CEP89: variants seen among roughly 807,000 people sequenced by gnomAD.
CEP89 encodes the protein centrosomal protein 89.
CEP89 carries 95 observed loss-of-function variants against 97.6 expected under a neutral mutation model. The ratio of observed to expected loss-of-function variants is 0.97; its 90% confidence interval spans 0.82 to 1.15. CEP89 has a LOEUF of 1.15. Among genes scored for constraint, CEP89 ranks in the 50% most tolerant of loss-of-function variants. CEP89 has a pLI of 0.00. For synonymous variants in CEP89, 354 were observed against 349.1 expected (o/e 1.01, Z -0.16); for missense variants, 869 against 947.7 (o/e 0.92, Z 1.09).
Position 32,899,919 on chromosome 19 carries a change from G to A in CEP89, c.1813C>T (p.Leu605=). The stretch of plus-strand genomic sequence containing the variant: ...TCTGCCAGGCCAACAAGGTTTGCCA[G>A]GTACTGATGAGCAGACATTTCGTTC... ...MGNEMSAHQY[L]ANLVGLAENI... The change falls in exon 16 of 19, where the codon CTG becomes TTG. Residue 605 remains leucine (L), a synonymous_variant. Transcript: ENST00000305768. 3 of 1,613,960 alleles carry A rather than the reference G, an allele frequency of 1.9e-6. No individual in the cohort carries two copies. The South Asian group carries it at 3.3e-5, about 18-fold the overall frequency.
intron 10 of CEP89, 81 bp downstream of exon 10, chr19:32,926,853 C>T (rs541567417): frequency 1.9e-4 from 240 of 1,242,496 alleles, no homozygotes; most frequent in Admixed American, 4.1e-4. Flanking sequence ...TGAGCCACCG[C>T]GCCTGGCCTG....
chr19:32,938,263 G>A (rs535551957), intron 6 of CEP89, among the ~76,000 whole-genome samples: 1 of 152,086 alleles, frequency 6.6e-6, no homozygotes, highest in Non-Finnish European at 1.5e-5. Context: ...CGTGAGTAGC[G>A]GGCTGTGGGC....
chr19:32,949,083 T>C (rs1970858054), intron 4 of CEP89, among the ~76,000 whole-genome samples: 1 of 152,192 alleles, frequency 6.6e-6, no homozygotes, highest in Non-Finnish European at 1.5e-5. Context: ...GGGAGGACTC[T>C]CATTGAAGCC....
chr19:32,898,803 A>ACC (rs1242180209), intron 16 of CEP89, among the ~76,000 whole-genome samples: 1 of 149,828 alleles, frequency 6.7e-6, no homozygotes, highest in African/African-American at 2.5e-5. Flanking sequence ...AATGTCTTGA[A>ACC]CCCAGGAAGC....
chr19:32,937,420 G>A (rs1970601154), intron 7 of CEP89: 2 of 529,522 alleles, frequency 3.8e-6, no homozygotes, highest in Non-Finnish European at 6.7e-6. Context: ...CGTCCCCCCA[G>A]GTCCAACCCC....
intron 14 of CEP89, among the ~76,000 whole-genome samples, chr19:32,912,747 T>C (rs1025186603): frequency 3.9e-5 from 6 of 152,106 alleles, no homozygotes; most frequent in Non-Finnish European, 5.9e-5. Context: ...AATTTTATAA[T>C]TTATATAAAA....
At chr19:32,882,990 C>T (rs1257124377) in intron 17 of CEP89, among the ~76,000 whole-genome samples, 2 of 152,018 alleles carry the variant, frequency 1.3e-5, no homozygotes, top group East Asian at 1.9e-4. Flanking sequence ...TCCTCAGTAG[C>T]TGGGATTACA....
intron 16 of CEP89, among the ~76,000 whole-genome samples, chr19:32,892,302 T>C (rs1969546196): frequency 7.1e-6 from 1 of 140,388 alleles, no homozygotes; most frequent in Non-Finnish European, 1.5e-5. Flanking sequence ...CTTTTTTCTT[T>C]TTCCTTTTTT....
chr19:32,931,910 G>A lies in CEP89; in HGVS notation c.887-339C>T, dbSNP rs113684934. Among the ~76,000 whole-genome samples, 1,077 of 152,318 alleles carry A rather than the reference G, an allele frequency of 7.1e-3. 16 individuals are homozygous for A. Among genetic ancestry groups the A allele is most frequent in the African/African-American group, 0.024 (999 of 41,578 alleles). On this transcript the variant is annotated intron_variant, in intron 8 of 18. Coordinates refer to ENST00000305768, the MANE Select transcript of CEP89 (RefSeq NM_032816.5). ...GAAAAATCATACAGAGGCCGGGTGC[G>A]GTGGCTCACGCCTGTAATCCCAGCA...
intron 16 of CEP89, among the ~76,000 whole-genome samples, chr19:32,889,313 C>T (rs529883499): frequency 6.6e-6 from 1 of 152,292 alleles, no homozygotes; most frequent in South Asian, 2.1e-4. Context: ...AGCTCCCATG[C>T]CTCTCCCTGC....
intron 14 of CEP89, among the ~76,000 whole-genome samples, chr19:32,912,714 A>C (rs1260634837): frequency 6.6e-6 from 1 of 152,074 alleles, no homozygotes; most frequent in Non-Finnish European, 1.5e-5. Flanking sequence ...TACATATGTA[A>C]TTTTATATAG....
chr19:32,968,717 C>G (rs1393032330), intron 1 of CEP89, among the ~76,000 whole-genome samples: 2 of 152,038 alleles, frequency 1.3e-5, no homozygotes, highest in Admixed American at 1.3e-4. Context: ...CATAAAAACC[C>G]TCATGGGCAG....
intron 16 of CEP89, among the ~76,000 whole-genome samples, chr19:32,889,597 G>A (rs1969470632): frequency 6.6e-6 from 1 of 152,174 alleles, no homozygotes; most frequent in South Asian, 2.1e-4. Flanking sequence ...AATATTGGGG[G>A]TGGGCCGAGA....
At chr19:32,921,878 C>T (rs1190420525) in intron 12 of CEP89, among the ~76,000 whole-genome samples, 1 of 152,220 alleles carries the variant, frequency 6.6e-6, no homozygotes, top group Non-Finnish European at 1.5e-5. Context: ...GGTAAGAATG[C>T]TGTTGACTCA....
rs140132031 is a variant in CEP89, at chr19:32,918,785, A to G, written c.1269-446T>C. Among the ~76,000 whole-genome samples, 883 of 152,248 alleles carry G rather than the reference A, an allele frequency of 5.8e-3. 7 individuals are homozygous for G. Among genetic ancestry groups the G allele is most frequent in the African/African-American group, 0.019 (791 of 41,560 alleles). On this transcript the variant is annotated intron_variant, in intron 12 of 18. Transcript: ENST00000305768. ...TTTAAAATACTCCTTTGTAATCAGT[A>G]GCATATTTGCAAAACAAAACAAAAC... is the stretch of plus-strand genomic sequence containing the variant.
At position 32,939,874 on chromosome 19, in the gene CEP89, G is replaced by C. The variant is rs911653369; in HGVS notation, c.607C>G (p.Pro203Ala). ...GATCTTACCTTTAAATTCAGAACAG[G>C]GTGTTTACCATCTGATGAAGAAAAA... The part of the protein sequence containing the change: ...QRTQQKDGKH[P>A]VLNLKDEKPP... Residue 203 changes from proline to alanine, a missense_variant, in exon 6 of 19, where the codon CCT becomes GCT. Physicochemically the swap from Pro to Ala is conservative, Grantham distance 27. Coordinates refer to ENST00000305768, the MANE Select transcript of CEP89 (RefSeq NM_032816.5). 2.4e-6 allele frequency: 3 copies of C among 1,266,400 alleles called. No individual in the cohort carries two copies. The allele number at this position is 1,266,400 out of a possible 1,614,324, so 78.4% of individuals were successfully genotyped here.
chr19:32,966,584 A>T lies in CEP89; in HGVS notation c.40-118T>A, dbSNP rs1971289478. On this transcript the variant is annotated intron_variant, in intron 1 of 18. Transcript: ENST00000305768. ...CTGCACTGGCCACCCATGGATCCAA[A>T]CCCATCAGAAGCCCACTCCTCCCCT... is the stretch of plus-strand genomic sequence containing the variant. 12 of 462,598 alleles carry T rather than the reference A, an allele frequency of 2.6e-5. No individual in the cohort carries two copies. The East Asian group carries it at 4.2e-4, about 16-fold the overall frequency. The allele number at this position is 462,598 out of a possible 1,614,324, so 28.7% of individuals were successfully genotyped here.
chr19:32,943,339 ACATTCT>A (rs1235926415), intron 5 of CEP89, among the ~76,000 whole-genome samples: 5 of 152,154 alleles, frequency 3.3e-5, no homozygotes, highest in African/African-American at 1.2e-4. Context: ...TGACATGAAC[ACATTCT>A]TGCTGTCAAA....
intron 7 of CEP89, among the ~76,000 whole-genome samples, chr19:32,934,786 C>T (rs1262352674): frequency 3.3e-5 from 5 of 151,972 alleles, no homozygotes; most frequent in Non-Finnish European, 7.4e-5. Context: ...TACACCTTGC[C>T]CTGGTAGGAG....
Sources: allele counts gnomAD v4.1 joint callset (sites outside exome capture counted in the v4.1 genomes callset), GRCh38; gene constraint gnomAD v4.1.1; transcripts MANE v1.5; gene names NCBI Gene and HGNC (gene_info 2026-07-23, HGNC 2026-07-21).